Variants in CBLN2 observed in about 807,000 individuals in gnomAD.
CBLN2 encodes cerebellin 2 precursor.
Under a neutral mutation model 15.0 loss-of-function variants are expected in CBLN2, and 7 were observed. The observed-to-expected ratio is 0.47, with a 90% CI of 0.27 to 0.88. The LOEUF (loss-of-function observed/expected upper bound fraction) is 0.88. CBLN2 is among the 40% of genes least tolerant of loss of function. The pLI is 0.14. For synonymous variants in CBLN2, 149 were observed against 135.2 expected, an observed-to-expected ratio of 1.10 and a Z score of -0.71; for missense variants, 242 against 304.5, an observed-to-expected ratio of 0.79 and a Z score of 1.53.
At chr18:72,561,842 T>C (rs376131830) in intron 1 of CBLN2, among the ~76,000 whole-genome samples, 34 of 152,312 alleles carry the variant, frequency 2.2e-4, no homozygotes, top group African/African-American at 7.9e-4. Flanking sequence ...TAAACATTAA[T>C]CTCAGAGTGC....
intron 1 of CBLN2, among the ~76,000 whole-genome samples, chr18:72,604,398 T>C (rs2144946433): frequency 6.6e-6 from 1 of 152,360 alleles, no homozygotes; most frequent in East Asian, 1.9e-4. Context: ...TTATTTTGCA[T>C]AATTCACAGT....
chr18:72,636,827 C>G (rs1421959592), intron 1 of CBLN2, among the ~76,000 whole-genome samples: 1 of 151,888 alleles, frequency 6.6e-6, no homozygotes, highest in Non-Finnish European at 1.5e-5. Context: ...TTTGTAACAC[C>G]CTGGTATGAA....
At position 72,561,199 on chromosome 18, in the gene CBLN2, A is replaced by G. The variant is rs578070145; in HGVS notation, c.16-22427T>C. Among the ~76,000 whole-genome samples the G allele has an allele frequency of 3.3e-5, 5 of 150,708 alleles. No individual in the cohort carries two copies. The Admixed American group carries it at 3.3e-4, about 10-fold the overall frequency. ...ATTTTCATTAAGTTAAAAAAACAGTAAACTTGAAATCACTCCCAGGAAACC... is the reference window on the plus strand; with the variant it reads ...ATTTTCATTAAGTTAAAAAAACAGTGAACTTGAAATCACTCCCAGGAAACC... On this transcript the variant is annotated intron_variant, in intron 1 of 2. Coordinates refer to the CBLN2 transcript ENST00000581073.
Position 72,538,386 on chromosome 18 carries a change from G to A in CBLN2, c.478-13C>T, listed in dbSNP as rs757745362. 26 of 1,613,604 alleles carry A rather than the reference G, an allele frequency of 1.6e-5. No individual in the cohort carries two copies. The highest frequency in any genetic ancestry group is 2.1e-5 in the Non-Finnish European group (25 of 1,179,778). ...GCATTAAACTGACCTAAAATGCAGA[G>A]AGTAGAGCTCAGCAGACCATAAAGC... On this transcript the variant is annotated splice_polypyrimidine_tract_variant and intron_variant, in intron 4 of 4. Coordinates refer to ENST00000269503, the MANE Select transcript of CBLN2 (RefSeq NM_182511.4).
chr18:72,539,324 T>G (rs11151772), intron 3 of CBLN2: 26,807 of 153,188 alleles, frequency 0.17, 5,128 homozygotes, highest in East Asian at 0.54. Flanking sequence ...GAGACAATGG[T>G]CTCTGTGAGG....
intron 1 of CBLN2, among the ~76,000 whole-genome samples, chr18:72,601,484 C>T (rs1484320881): frequency 6.6e-6 from 1 of 152,084 alleles, no homozygotes; most frequent in Non-Finnish European, 1.5e-5. Context: ...AGCAAGCAGG[C>T]GTCTCCATGC....
intron 1 of CBLN2, among the ~76,000 whole-genome samples, chr18:72,583,965 T>C (rs1272391997): frequency 6.6e-6 from 1 of 152,206 alleles, no homozygotes; most frequent in African/African-American, 2.4e-5. Flanking sequence ...ATACATTTTC[T>C]TTTTTTCTGT....
At chr18:72,622,440 G>A (rs1269221991) in intron 1 of CBLN2, among the ~76,000 whole-genome samples, 1 of 151,976 alleles carries the variant, frequency 6.6e-6, no homozygotes, top group African/African-American at 2.4e-5. Flanking sequence ...CAGTTTACAA[G>A]ATTCTCAGCC....
intron 1 of CBLN2, among the ~76,000 whole-genome samples, chr18:72,559,385 C>A (rs561820918): frequency 3.3e-5 from 5 of 152,202 alleles, no homozygotes; most frequent in Non-Finnish European, 7.3e-5. Flanking sequence ...TGTTCCCTAA[C>A]CTATTAGGGG....
chr18:72,625,808 C>CTATATA lies in CBLN2; in HGVS notation c.15+12516_15+12517insTATATA, dbSNP rs1399918601. Among the ~76,000 whole-genome samples the CTATATA allele has an allele frequency of 1.9e-3, 125 of 64,606 alleles. 1 individual carries two copies. The highest frequency in any genetic ancestry group is 5.3e-3 in the South Asian group (7 of 1,324). 42.4% of individuals were successfully genotyped at this position (64,606 alleles called of 152,430 possible). A position where few individuals can be genotyped will look rare whatever the true frequency, so the allele number is the denominator to read the frequency against. On this transcript the variant is annotated intron_variant, in intron 1 of 2. Coordinates refer to the CBLN2 transcript ENST00000581073. ...TATGACTCTCTCTCTCTCTCTCTCT[C>CTATATA]TCTCTCTCTCTATATATATATATAT...
Position 72,577,457 on chromosome 18 carries a change from C to T in CBLN2, c.16-38685G>A, listed in dbSNP as rs116032970. ...GCATCTGAGGACAAGATGTCAGAAT[C>T]CTTAATAAGTCCATGCTGACCCCTG... On this transcript the variant is annotated intron_variant, in intron 1 of 2. Transcript: ENST00000581073. 9.7e-3 allele frequency among the ~76,000 whole-genome samples: 1,484 copies of T among 152,222 alleles called. 28 individuals carry two copies. Among genetic ancestry groups the T allele is most frequent in the African/African-American group, 0.034 (1,397 of 41,516 alleles).
upstream of CBLN2, among the ~76,000 whole-genome samples, chr18:72,544,863 C>G (rs1164531777): frequency 6.6e-6 from 1 of 150,388 alleles, no homozygotes; most frequent in Admixed American, 6.6e-5. Context: ...TTATGCTGGT[C>G]TAAAAAACAA....
chr18:72,542,721 C>T (rs1271380244), intron 2 of CBLN2, among the ~76,000 whole-genome samples: 1 of 152,164 alleles, frequency 6.6e-6, no homozygotes, highest in Non-Finnish European at 1.5e-5. Flanking sequence ...CACAGCATTT[C>T]CTTGGAGCAG....
At chr18:72,575,644 C>G (rs2069361270) in intron 1 of CBLN2, among the ~76,000 whole-genome samples, 1 of 152,146 alleles carries the variant, frequency 6.6e-6, no homozygotes, top group Non-Finnish European at 1.5e-5. Context: ...CAGGAGGCGA[C>G]TGGGCGGAGT....
chr18:72,564,026 A>G (rs1351542638), intron 1 of CBLN2, among the ~76,000 whole-genome samples: 1 of 152,184 alleles, frequency 6.6e-6, no homozygotes, highest in African/African-American at 2.4e-5. Flanking sequence ...CCCAACTGAC[A>G]CTGTAAAACG....
intron 1 of CBLN2, among the ~76,000 whole-genome samples, chr18:72,571,811 C>T (rs1167156025): frequency 2.0e-5 from 3 of 152,264 alleles, no homozygotes; most frequent in Non-Finnish European, 4.4e-5. Flanking sequence ...CTGTGTCAGA[C>T]TTAAATGAGA....
intron 1 of CBLN2, among the ~76,000 whole-genome samples, chr18:72,586,163 C>A (rs1313587179): frequency 1.3e-5 from 2 of 152,312 alleles, no homozygotes; most frequent in Middle Eastern, 6.8e-3. Flanking sequence ...CTGGAGCATG[C>A]AGCCCTGGCC....
chr18:72,604,740 C>T (rs554304877), intron 1 of CBLN2, among the ~76,000 whole-genome samples: 3 of 152,348 alleles, frequency 2.0e-5, no homozygotes, highest in African/African-American at 7.2e-5. Flanking sequence ...CTAGCATTCT[C>T]AGCCTCCTTG....
chr18:72,613,784 T>C (rs2069639245), intron 1 of CBLN2, among the ~76,000 whole-genome samples: 1 of 152,208 alleles, frequency 6.6e-6, no homozygotes, highest in Non-Finnish European at 1.5e-5. Context: ...TGCTCATCCA[T>C]TTCTTTGAAA....
Sources: allele counts gnomAD v4.1 joint callset (sites outside exome capture counted in the v4.1 genomes callset), GRCh38; gene constraint gnomAD v4.1.1; transcripts MANE v1.5; gene names NCBI Gene and HGNC (gene_info 2026-07-23, HGNC 2026-07-21).